GPN2: variants seen among roughly 807,000 people sequenced by gnomAD.
GPN2 encodes ATP-binding domain 1 family member B.
Under a neutral mutation model 30.1 loss-of-function variants are expected in GPN2, and 27 were observed. That is an observed-to-expected ratio of 0.90 (90% CI 0.66 to 1.24). The LOEUF (loss-of-function observed/expected upper bound fraction) is 1.24, where lower values mean the gene tolerates loss of function less well. GPN2 is among the 50% of genes most tolerant of loss of function. The pLI, the probability that GPN2 is intolerant of heterozygous loss-of-function variation, is 0.00. For missense variants in GPN2, 406 were observed against 405.4 expected, an observed-to-expected ratio of 1.00 and a Z score of -0.01; for synonymous variants, 212 against 174.4, an observed-to-expected ratio of 1.22 and a Z score of -1.70.
At chr1:26,888,568 C>G (rs2081903331) in intron 2 of GPN2, among the ~76,000 whole-genome samples, 1 of 152,216 alleles carries the variant, frequency 6.6e-6, no homozygotes, top group Non-Finnish European at 1.5e-5. Context: ...CCATTCATGT[C>G]TCAGCTCAGA....
At chr1:26,888,253 C>T (rs1403310625) in intron 2 of GPN2, among the ~76,000 whole-genome samples, 1 of 152,132 alleles carries the variant, frequency 6.6e-6, no homozygotes, top group Non-Finnish European at 1.5e-5. Context: ...TCAATCTTCC[C>T]TATTTTGTCC....
chr1:26,890,070 G>A lies in GPN2; in HGVS notation c.27C>T (p.Ala9=), dbSNP rs745924810. The stretch of plus-strand genomic sequence containing the variant: ...GCGGGCCGATCACCGCCTGCCCGAA[G>A]GCCGTGGTCGGAGCGGCCCCTGCCA... MAGAAPTT[A]FGQAVIGPPG... is the part of the protein sequence containing the mutation. Residue 9 remains alanine (A), a synonymous_variant, in exon 1 of 5, where the codon GCC becomes GCT. Transcript: ENST00000374135. 6.4e-6 allele frequency: 10 copies of A among 1,561,444 alleles called. No individual in the cohort carries two copies. The highest frequency in any genetic ancestry group is 8.6e-6 in the Non-Finnish European group (10 of 1,158,998).
chr1:26,878,998 C>T lies in GPN2; in HGVS notation c.*679G>A, dbSNP rs768608786. On this transcript the variant is annotated 3_prime_UTR_variant, in exon 5 of 5. Coordinates refer to ENST00000374135, the MANE Select transcript of GPN2 (RefSeq NM_018066.4). The stretch of plus-strand genomic sequence containing the variant: ...AAATACAGTGAATATAAAACATTAA[C>T]AAAGTTCTAGTTAGGAAGTGTTGCC... 3 of 152,248 alleles carry T rather than the reference C, an allele frequency of 2.0e-5. No individual in the cohort carries two copies. The highest frequency in any genetic ancestry group is 4.4e-5 in the Non-Finnish European group (3 of 68,114). The allele number at this position is 152,248 out of a possible 1,614,324, so 9.4% of individuals were successfully genotyped here.
At chr1:26,888,900 C>T (rs1365061692) in intron 2 of GPN2, 69 bp downstream of exon 2, 2 of 1,521,230 alleles carry the variant, frequency 1.3e-6, no homozygotes, top group South Asian at 1.2e-5. Context: ...CAGCTACCTT[C>T]AGCTGAGATG....
chr1:26,881,367 A>G (rs1481451253), intron 4 of GPN2, among the ~76,000 whole-genome samples: 2 of 152,214 alleles, frequency 1.3e-5, no homozygotes, highest in African/African-American at 4.8e-5. Context: ...TAAAGTATTG[A>G]ATATCTCATG....
At position 26,879,708 on chromosome 1, in the gene GPN2, T is replaced by C; in HGVS notation, c.902A>G (p.Gln301Arg). 1 of 1,614,002 alleles carries C rather than the reference T, an allele frequency of 6.2e-7. No homozygotes were observed. The highest frequency in any genetic ancestry group is 8.5e-7 in the Non-Finnish European group (1 of 1,179,932). ...CTGCATGGCTTCCTGCTCCACTGAC[T>C]GGTTCGAGGGTGCCAGGTACTTCTC... The part of the protein sequence containing the change: ...IQEKYLAPSN[Q>R]SVEQEAMQL Residue 301 changes from glutamine (Q) to arginine (R), a missense_variant, in exon 5 of 5, where the codon CAG (glutamine) becomes CGG (arginine). Gln to Arg is a conservative substitution (Grantham distance 43, BLOSUM62 1). Coordinates refer to ENST00000374135, the MANE Select transcript of GPN2 (RefSeq NM_018066.4).
intron 1 of GPN2, 134 bp from the exon 2 acceptor site, chr1:26,889,259 C>T (rs929746086): frequency 1.2e-4 from 81 of 698,552 alleles, no homozygotes; most frequent in Middle Eastern, 8.2e-4. Context: ...CTAATAACCA[C>T]CCTGGTTTCC....
intron 4 of GPN2, among the ~76,000 whole-genome samples, chr1:26,883,514 C>T (rs968442286): frequency 5.3e-5 from 8 of 151,446 alleles, no homozygotes; most frequent in African/African-American, 1.7e-4. Flanking sequence ...CGGCCGGGCG[C>T]AGTGGCTCAT....
At position 26,879,408 on chromosome 1, in the gene GPN2, C is replaced by T. The variant is rs1404156760; in HGVS notation, c.*269G>A. 1 of 468,678 alleles carries T rather than the reference C, an allele frequency of 2.1e-6. No homozygotes were observed. Among genetic ancestry groups the T allele is most frequent in the African/African-American group, 1.9e-5 (1 of 51,938 alleles). The allele number at this position is 468,678 out of a possible 1,614,324, so 29.0% of individuals were successfully genotyped here. On this transcript the variant is annotated 3_prime_UTR_variant, in exon 5 of 5. Coordinates refer to ENST00000374135, the MANE Select transcript of GPN2 (RefSeq NM_018066.4). Reference sequence around the variant, plus strand: ...GAAAATAAACTCTTGTATTGTAGCACATTTCATCACAGCCTGACTAGGACC... The same window carrying T: ...GAAAATAAACTCTTGTATTGTAGCATATTTCATCACAGCCTGACTAGGACC...
At chr1:26,883,348 T>A (rs1553160138) in intron 4 of GPN2, among the ~76,000 whole-genome samples, 3 of 152,220 alleles carry the variant, frequency 2.0e-5, no homozygotes, top group Non-Finnish European at 4.4e-5. Flanking sequence ...GAATGACTAA[T>A]GCCCTCTCAT....
At position 26,889,792 on chromosome 1, in the gene GPN2, A is replaced by AG. The variant is rs747785831; in HGVS notation, c.304dup (p.Leu102ProfsTer83). On this transcript the variant is annotated frameshift_variant, in exon 1 of 5. Transcript: ENST00000374135. LOFTEE classifies it high-confidence loss of function. The stretch of plus-strand genomic sequence containing the variant: ...GTCGAAGAGGAAGTAGTGGCCGCGG[A>AG]GGGGGTCGAGCTTGGCACGCAGCCA... 9.3e-6 allele frequency: 15 copies of AG among 1,613,704 alleles called. No individual in the cohort carries two copies. The highest frequency in any genetic ancestry group is 6.7e-5 in the Admixed American group (4 of 60,010).
intron 3 of GPN2, among the ~76,000 whole-genome samples, chr1:26,885,340 C>T (rs1165738025): frequency 6.6e-6 from 1 of 152,024 alleles, no homozygotes; most frequent in Non-Finnish European, 1.5e-5. Context: ...AGACAGTTGC[C>T]CAGTTGAAAG....
At chr1:26,887,294 T>A (rs1487919773) in intron 2 of GPN2, among the ~76,000 whole-genome samples, 1 of 152,184 alleles carries the variant, frequency 6.6e-6, no homozygotes, top group Non-Finnish European at 1.5e-5. Context: ...AAGAAGTAAG[T>A]TGGACTTCCC....
rs2081835920 is a variant in GPN2, at chr1:26,876,193, A to C, written c.*3484T>G. ...GATGACCCCATAGAAAGTTTCCGTT[A>C]TGGGATTCTGGGTGACTCATTTTCG... On this transcript the variant is annotated 3_prime_UTR_variant, in exon 5 of 5. Coordinates refer to ENST00000374135, the MANE Select transcript of GPN2 (RefSeq NM_018066.4). The C allele has an allele frequency of 6.6e-6, 1 of 151,558 alleles. No individual in the cohort carries two copies. Among genetic ancestry groups the C allele is most frequent in the South Asian group, 2.1e-4 (1 of 4,814 alleles). 9.4% of individuals were successfully genotyped at this position (151,558 alleles called of 1,614,324 possible). A position where few individuals can be genotyped will look rare whatever the true frequency, so the allele number is the denominator to read the frequency against.
Position 26,890,071 on chromosome 1 carries a change from G to T in GPN2, c.26C>A (p.Ala9Asp). 1 of 1,561,446 alleles carries T rather than the reference G, an allele frequency of 6.4e-7. No homozygotes were observed. The highest frequency in any genetic ancestry group is 8.6e-7 in the Non-Finnish European group (1 of 1,158,900). Residue 9 changes from alanine to aspartate, a missense_variant, in exon 1 of 5, where the codon GCC (alanine) becomes GAC (aspartate). Physicochemically the swap from Ala to Asp is moderately radical, Grantham distance 126. Coordinates refer to ENST00000374135, the MANE Select transcript of GPN2 (RefSeq NM_018066.4). MAGAAPTT[A>D]FGQAVIGPPG... Reference sequence around the variant, plus strand: ...CGGGCCGATCACCGCCTGCCCGAAGGCCGTGGTCGGAGCGGCCCCTGCCAT... The same window carrying T: ...CGGGCCGATCACCGCCTGCCCGAAGTCCGTGGTCGGAGCGGCCCCTGCCAT...
At chr1:26,889,612 T>C in intron 1 of GPN2, 74 bp downstream of exon 1, 1 of 1,391,744 alleles carries the variant, frequency 7.2e-7, no homozygotes, top group South Asian at 1.3e-5. Context: ...CTGTGTGACA[T>C]GGGGGCGTGG....
At chr1:26,882,828 C>T (rs1249951968) in intron 4 of GPN2, among the ~76,000 whole-genome samples, 1 of 152,334 alleles carries the variant, frequency 6.6e-6, no homozygotes, top group South Asian at 2.1e-4. Flanking sequence ...GAACACAGCA[C>T]ATCTGCCAGC....
chr1:26,884,039 CAA>C (rs373357961), intron 4 of GPN2, 119 bp downstream of exon 4: 24,987 of 405,226 alleles, frequency 0.062, no homozygotes, highest in South Asian at 0.075. Context: ...GACTCCATCT[CAA>C]AAAAAAAAAA....
rs746593300 is a variant in GPN2, at chr1:26,888,970, C to G, written c.567G>C (p.Leu189=). 6.2e-7 allele frequency: 1 copy of G among 1,614,006 alleles called. No individual in the cohort carries two copies. Among genetic ancestry groups the G allele is most frequent in the African/African-American group, 1.3e-5 (1 of 74,946 alleles). ...KMDLIEHYGK[L]AFNLDYYTEV... The stretch of plus-strand genomic sequence containing the variant: ...TTCGCCTGGAACAGAAGCTCTTACC[C>G]AGCTTCCCATAATGCTCAATGAGGT... The change falls in exon 2 of 5, where the codon CTG becomes CTC. Residue 189 remains leucine, a splice_region_variant and synonymous_variant. Coordinates refer to ENST00000374135, the MANE Select transcript of GPN2 (RefSeq NM_018066.4).
Sources: allele counts gnomAD v4.1 joint callset (sites outside exome capture counted in the v4.1 genomes callset), GRCh38; gene constraint gnomAD v4.1.1; transcripts MANE v1.5; gene names NCBI Gene and HGNC (gene_info 2026-07-23, HGNC 2026-07-21).